The following METTL16 variants were observed in gnomAD, a reference collection of about 807,000 sequenced individuals.
METTL16 encodes RNA N(6)-adenosine-methyltransferase METTL16.
METTL16 carries 19 observed loss-of-function variants against 57.9 expected under a neutral mutation model. The ratio of observed to expected loss-of-function variants is 0.33; its 90% confidence interval spans 0.23 to 0.48. The LOEUF (loss-of-function observed/expected upper bound fraction) is 0.48. Among genes scored for constraint, METTL16 ranks in the 20% least tolerant of loss-of-function variants. METTL16 has a pLI of 0.99. For synonymous variants in METTL16, 246 were observed against 255.6 expected (o/e 0.96, Z 0.36); for missense variants, 434 against 691.5 (o/e 0.63, Z 4.18).
In METTL16 at chr17:2,423,155, G is replaced by A. The variant is rs74616700; in HGVS notation, c.889-2251C>T. Among the ~76,000 whole-genome samples, 382 of 152,152 alleles carry A rather than the reference G, an allele frequency of 2.5e-3. 2 individuals are homozygous for A. Among genetic ancestry groups the A allele is most frequent in the African/African-American group, 8.6e-3 (359 of 41,506 alleles). ...CCACAGGTTCTGATTACTGGGGGAC[G>A]TCTTCTAATAAGAACTAACCAGCGG... On this transcript the variant is annotated intron_variant, in intron 8 of 9. Coordinates refer to ENST00000263092, the MANE Select transcript of METTL16 (RefSeq NM_024086.4).
intron 6 of METTL16, among the ~76,000 whole-genome samples, chr17:2,454,609 G>A (rs965018542): frequency 4.2e-5 from 6 of 143,650 alleles, no homozygotes; most frequent in African/African-American, 1.6e-4. Flanking sequence ...CAGCCGCCCA[G>A]GGTGGAGTGC....
At chr17:2,478,162 C>T (rs2067280369) in intron 2 of METTL16, among the ~76,000 whole-genome samples, 1 of 152,216 alleles carries the variant, frequency 6.6e-6, no homozygotes, top group South Asian at 2.1e-4. Flanking sequence ...GTCGTCTCCT[C>T]ACTGTGTGAC....
intron 6 of METTL16, among the ~76,000 whole-genome samples, chr17:2,454,241 G>C (rs930968624): frequency 1.3e-5 from 2 of 152,204 alleles, no homozygotes; most frequent in Middle Eastern, 3.4e-3. Flanking sequence ...CGGTTATTTA[G>C]AAACTTATTA....
chr17:2,490,421 TAACTAC>T (rs1228389987), intron 2 of METTL16, among the ~76,000 whole-genome samples: 3 of 152,166 alleles, frequency 2.0e-5, no homozygotes, highest in Non-Finnish European at 2.9e-5. Context: ...TGATTGTATG[TAACTAC>T]AACTACAACC....
rs2066733771 is a variant in METTL16 at position 2,418,111 on chromosome 17, G to A, written c.*1859C>T. 1.3e-5 allele frequency: 2 copies of A among 151,896 alleles called. No individual in the cohort carries two copies. Among genetic ancestry groups the A allele is most frequent in the South Asian group, 2.1e-4 (1 of 4,810 alleles). The allele number at this position is 151,896 out of a possible 1,614,324, so 9.4% of individuals were successfully genotyped here. ...GCCTGACACATGAATGCTTGGACTA[G>A]AATAATGATTCTTAATCCTTAGTGG... is the stretch of plus-strand genomic sequence containing the variant. On this transcript the variant is annotated 3_prime_UTR_variant, in exon 10 of 10. Transcript: ENST00000263092.
chr17:2,460,885 CAAA>C (rs1369970185), intron 6 of METTL16, among the ~76,000 whole-genome samples: 2 of 57,784 alleles, frequency 3.5e-5, no homozygotes, highest in Admixed American at 1.9e-4. Context: ...AACTCAGTCT[CAAA>C]AAAAAAAAAA....
At chr17:2,424,335 G>C (rs1047195427) in intron 8 of METTL16, 1 of 150,984 alleles carries the variant, frequency 6.6e-6, no homozygotes, top group Non-Finnish European at 1.5e-5. Context: ...GGATGGTCTC[G>C]ATCTCCTGAC....
chr17:2,474,297 GAAAA>G (rs770895282), intron 3 of METTL16, among the ~76,000 whole-genome samples: 1 of 139,296 alleles, frequency 7.2e-6, no homozygotes, highest in Non-Finnish European at 1.5e-5. Context: ...CCAAAAGCAG[GAAAA>G]AATATGTAGG....
intron 3 of METTL16, among the ~76,000 whole-genome samples, chr17:2,474,386 G>GAAAAAAAAAAAAAAAAAAAAAACAAAAAA (rs752477163): frequency 3.3e-5 from 2 of 60,222 alleles, no homozygotes; most frequent in East Asian, 6.6e-4. Flanking sequence ...GAAACAAAAA[G>GAAAAAAAAAAAAAAAAAAAAAACAAAAAA]AAAAAAAAAA....
intron 5 of METTL16, among the ~76,000 whole-genome samples, chr17:2,465,299 T>G (rs566483808): frequency 2.5e-4 from 38 of 150,326 alleles, no homozygotes; most frequent in Non-Finnish European, 4.4e-4. Flanking sequence ...ATCCCAGCAC[T>G]TTAGGAGGCC....
intron 6 of METTL16, among the ~76,000 whole-genome samples, chr17:2,459,597 A>C (rs1268727073): frequency 6.6e-6 from 1 of 152,254 alleles, no homozygotes; most frequent in Non-Finnish European, 1.5e-5. Context: ...GGTAGGGTTA[A>C]GGCACTTGTT....
chr17:2,435,511 G>A (rs1452688954), intron 8 of METTL16, among the ~76,000 whole-genome samples: 5 of 152,140 alleles, frequency 3.3e-5, no homozygotes, highest in South Asian at 2.1e-4. Context: ...ACCCTGGGAC[G>A]ACCCCCTGGG....
intron 8 of METTL16, among the ~76,000 whole-genome samples, chr17:2,427,638 C>G (rs2066829423): frequency 6.6e-6 from 1 of 151,810 alleles, no homozygotes; most frequent in Non-Finnish European, 1.5e-5. Flanking sequence ...GAGATAGGGT[C>G]TTCTGTGTTG....
At chr17:2,494,066 GAC>G (rs1160687618) in intron 2 of METTL16, among the ~76,000 whole-genome samples, 1 of 151,940 alleles carries the variant, frequency 6.6e-6, no homozygotes, top group African/African-American at 2.4e-5. Context: ...TTTTGTTTTT[GAC>G]AGAGTCTCGC....
chr17:2,503,512 G>C (rs1054943783), intron 1 of METTL16, among the ~76,000 whole-genome samples: 1 of 150,614 alleles, frequency 6.6e-6, no homozygotes, highest in Non-Finnish European at 1.5e-5. Flanking sequence ...ACTAAATATG[G>C]GTCAACAAAA....
intron 2 of METTL16, among the ~76,000 whole-genome samples, chr17:2,498,067 A>G (rs1452841740): frequency 6.6e-6 from 1 of 151,018 alleles, no homozygotes. Flanking sequence ...GGTGGCGGGC[A>G]CCTGTAGTCC....
chr17:2,507,990 G>A (rs377715908), intron 1 of METTL16, among the ~76,000 whole-genome samples: 4 of 152,080 alleles, frequency 2.6e-5, no homozygotes, highest in Middle Eastern at 3.2e-3. Context: ...CAAACACTGC[G>A]GAAGGCCGCA....
chr17:2,472,208 A>G (rs943251725), intron 4 of METTL16, among the ~76,000 whole-genome samples: 4 of 152,192 alleles, frequency 2.6e-5, no homozygotes, highest in Admixed American at 1.3e-4. Context: ...CTCCACATGA[A>G]TATCAGCAAA....
chr17:2,454,800 G>C (rs185214552), intron 6 of METTL16, among the ~76,000 whole-genome samples: 1 of 152,066 alleles, frequency 6.6e-6, no homozygotes, highest in Admixed American at 6.6e-5. Context: ...CCGACCTCTG[G>C]TGATCTGCCC....
Sources: allele counts gnomAD v4.1 joint callset (sites outside exome capture counted in the v4.1 genomes callset), GRCh38; gene constraint gnomAD v4.1.1; transcripts MANE v1.5; gene names NCBI Gene and HGNC (gene_info 2026-07-23, HGNC 2026-07-21).